The following FOXO3 variants were observed in gnomAD, a reference collection of about 807,000 sequenced individuals.
FOXO3 encodes forkhead box O3.
A neutral mutation model predicts 41.9 loss-of-function variants in FOXO3; 4 were observed. That is an observed-to-expected ratio of 0.10 (90% CI 0.05 to 0.22). FOXO3 has a LOEUF of 0.22. Among genes scored for constraint, FOXO3 ranks in the 10% least tolerant of loss-of-function variants. The pLI, the probability that FOXO3 is intolerant of heterozygous loss-of-function variation, is 1.00. For synonymous variants in FOXO3, 318 were observed against 389.3 expected (o/e 0.82, Z 2.16); for missense variants, 534 against 906.8 (o/e 0.59, Z 5.28).
intron 1 of FOXO3, among the ~76,000 whole-genome samples, chr6:108,655,645 AACT>A (rs1264005924): frequency 2.6e-5 from 4 of 152,222 alleles, no homozygotes; most frequent in African/African-American, 9.6e-5. Flanking sequence ...CGGGGTGAAG[AACT>A]ACTACTGAAG....
At position 108,663,856 on chromosome 6, in the gene FOXO3, G is replaced by A. The variant is rs370562790; in HGVS notation, c.1023G>A (p.Ala341=). The A allele has an allele frequency of 5.5e-5, 88 of 1,613,676 alleles. No individual in the cohort carries two copies. The Admixed American group carries it at 7.3e-4, about 13-fold the overall frequency. ...TGGATGAAGTCCAGGACGATGATGC[G>A]CCTCTCTCGCCCATGCTCTACAGCA... is the stretch of plus-strand genomic sequence containing the variant. The part of the protein sequence containing the change: ...TELDEVQDDD[A]PLSPMLYSSS... Residue 341 remains alanine (A), a synonymous_variant, in exon 2 of 3, where the codon GCG becomes GCA. Coordinates refer to ENST00000406360, the MANE Select transcript of FOXO3 (RefSeq NM_001455.4).
intron 1 of FOXO3, among the ~76,000 whole-genome samples, chr6:108,565,466 G>A (rs535917315): frequency 6.6e-6 from 1 of 152,298 alleles, no homozygotes; most frequent in East Asian, 1.9e-4. Flanking sequence ...GTCTTGGGGA[G>A]ACCTCTAAGG....
chr6:108,574,440 G>A (rs938184134), intron 1 of FOXO3, among the ~76,000 whole-genome samples: 10 of 152,124 alleles, frequency 6.6e-5, no homozygotes, highest in Admixed American at 6.5e-4. Context: ...CTTCAAGCAC[G>A]TAGATGAATG....
In FOXO3 at chr6:108,565,638, T is replaced by G. The variant is rs1318780348; in HGVS notation, c.621+3809T>G. Among the ~76,000 whole-genome samples the G allele has an allele frequency of 5.3e-5, 8 of 152,262 alleles. 1 individual carries two copies. The East Asian group carries it at 9.6e-4, about 18-fold the overall frequency. On this transcript the variant is annotated intron_variant, in intron 1 of 2. Coordinates refer to ENST00000406360, the MANE Select transcript of FOXO3 (RefSeq NM_001455.4). ...GTGTGGGGGATACTGTGTTAAGATT[T>G]CTGCTGCTGCTGCTGCTGCAGAAGA...
intron 1 of FOXO3, among the ~76,000 whole-genome samples, chr6:108,562,722 A>C (rs1171816777): frequency 6.6e-6 from 1 of 152,138 alleles, no homozygotes; most frequent in Non-Finnish European, 1.5e-5. Context: ...GAGACTCTCT[A>C]CCGTTCCTTA....
intron 2 of FOXO3, among the ~76,000 whole-genome samples, chr6:108,676,317 T>C (rs1213187390): frequency 6.6e-6 from 1 of 152,240 alleles, no homozygotes; most frequent in Non-Finnish European, 1.5e-5. Context: ...GTAGCTTCAT[T>C]TTCTTTTCAA....
intron 2 of FOXO3, among the ~76,000 whole-genome samples, chr6:108,672,687 G>A (rs1582838958): frequency 6.6e-6 from 1 of 152,066 alleles, no homozygotes; most frequent in Admixed American, 6.6e-5. Context: ...TTTGATTGAA[G>A]GTTTGGATGT....
At chr6:108,610,434 C>A (rs1194214399) in intron 1 of FOXO3, among the ~76,000 whole-genome samples, 1 of 152,166 alleles carries the variant, frequency 6.6e-6, no homozygotes, top group South Asian at 2.1e-4. Context: ...AAGTGAAAGT[C>A]ATGGGACTGG....
At chr6:108,603,175 G>T (rs1022758041) in intron 1 of FOXO3, among the ~76,000 whole-genome samples, 1 of 151,820 alleles carries the variant, frequency 6.6e-6, no homozygotes, top group South Asian at 2.1e-4. Context: ...GCAAAAAATG[G>T]TTGTACTGTT....
At chr6:108,651,939 T>C (rs1778557888) in intron 1 of FOXO3, among the ~76,000 whole-genome samples, 1 of 152,242 alleles carries the variant, frequency 6.6e-6, no homozygotes, top group African/African-American at 2.4e-5. Context: ...GGCTCAATAA[T>C]AAACTAATTA....
chr6:108,680,937 A>T lies in FOXO3; in HGVS notation c.*1145A>T, dbSNP rs999180294. On this transcript the variant is annotated 3_prime_UTR_variant, in exon 3 of 3. Coordinates refer to ENST00000406360, the MANE Select transcript of FOXO3 (RefSeq NM_001455.4). ...ATTTTCAGCCTTGCTATATAATCTG[A>T]TCTGCTAGAAGTGTATGAGTGAGAG... The T allele has an allele frequency of 6.6e-6, 1 of 152,650 alleles. No homozygotes were observed. The highest frequency in any genetic ancestry group is 2.4e-5 in the African/African-American group (1 of 41,456). The allele number at this position is 152,650 out of a possible 1,614,324, so 9.5% of individuals were successfully genotyped here. A position where few individuals can be genotyped will look rare whatever the true frequency, so the allele number is the denominator to read the frequency against.
At chr6:108,658,185 C>T (rs565325279) in intron 1 of FOXO3, among the ~76,000 whole-genome samples, 2 of 152,008 alleles carry the variant, frequency 1.3e-5, no homozygotes, top group African/African-American at 2.4e-5. Context: ...GGTAACTGGG[C>T]GTTTGAACTG....
At chr6:108,654,425 A>T (rs965920752) in intron 1 of FOXO3, among the ~76,000 whole-genome samples, 1 of 152,138 alleles carries the variant, frequency 6.6e-6, no homozygotes, top group African/African-American at 2.4e-5. Flanking sequence ...CCTATCTAGG[A>T]TTTCTTTTTC....
At chr6:108,611,508 T>C (rs1053409213) in intron 1 of FOXO3, among the ~76,000 whole-genome samples, 5 of 152,238 alleles carry the variant, frequency 3.3e-5, no homozygotes, top group African/African-American at 9.6e-5. Context: ...TCTAGTTGTT[T>C]CACCTCCTCT....
In FOXO3 at chr6:108,666,391, A is replaced by G. The variant is rs933144331; in HGVS notation, c.*34+1502A>G. Among the ~76,000 whole-genome samples the G allele has an allele frequency of 3.9e-4, 59 of 151,462 alleles. 1 individual carries two copies. In the East Asian group the frequency reaches 5.0e-3, roughly 13 times the overall value. ...TGCTCTGTCTCCCAGGCTGGAGTAC[A>G]GTGGCGCGATCTCGGCTCACTGCAA... On this transcript the variant is annotated intron_variant, in intron 2 of 2. Coordinates refer to ENST00000406360, the MANE Select transcript of FOXO3 (RefSeq NM_001455.4).
upstream of FOXO3, chr6:108,560,802 C>A (rs1775755527): frequency 2.7e-6 from 1 of 369,550 alleles, no homozygotes; most frequent in Non-Finnish European, 4.4e-6. Context: ...TCCCCCTTCT[C>A]CCCGCCCCGC....
At chr6:108,596,255 ATG>A (rs1227160143) in intron 1 of FOXO3, among the ~76,000 whole-genome samples, 14 of 151,950 alleles carry the variant, frequency 9.2e-5, no homozygotes, top group Admixed American at 9.2e-4. Flanking sequence ...GTTTGAGGAA[ATG>A]TGTGTTGCCT....
At position 108,684,030 on chromosome 6, in the gene FOXO3, G is replaced by A. The variant is rs546421485; in HGVS notation, c.*4238G>A. On this transcript the variant is annotated 3_prime_UTR_variant, in exon 3 of 3. Coordinates refer to ENST00000406360, the MANE Select transcript of FOXO3 (RefSeq NM_001455.4). ...AACATTTTATGCAGTTTAAATGAATGGAATATTTTCCTCTTGTTTAGTTGT... is the reference window on the plus strand; with the variant it reads ...AACATTTTATGCAGTTTAAATGAATAGAATATTTTCCTCTTGTTTAGTTGT... 1 of 152,644 alleles carries A rather than the reference G, an allele frequency of 6.6e-6. No homozygotes were observed. Among genetic ancestry groups the A allele is most frequent in the Admixed American group, 6.5e-5 (1 of 15,300 alleles). 9.5% of individuals were successfully genotyped at this position (152,644 alleles called of 1,614,324 possible).
Position 108,664,768 on chromosome 6 carries a change from C to A in FOXO3, c.1935C>A (p.Leu645=), listed in dbSNP as rs1168662355. Residue 645 remains leucine, a synonymous_variant, in exon 2 of 3, where the codon CTC becomes CTA. Coordinates refer to ENST00000406360, the MANE Select transcript of FOXO3 (RefSeq NM_001455.4). The stretch of plus-strand genomic sequence containing the variant: ...GGTTGGATTTTAACTTTGATTCCCT[C>A]ATCTCCACACAGAATGTTGTTGGTT... ...ADGLDFNFDS[L]ISTQNVVGLN... is the part of the protein sequence containing the mutation. The A allele has an allele frequency of 3.5e-6, 5 of 1,440,116 alleles. No individual in the cohort carries two copies. The highest frequency in any genetic ancestry group is 4.8e-6 in the Non-Finnish European group (5 of 1,042,624). The allele number at this position is 1,440,116 out of a possible 1,614,324, so 89.2% of individuals were successfully genotyped here.
Sources: gnomAD v4.1 joint callset for allele counts (sites outside exome capture counted in the v4.1 genomes callset) on GRCh38, gnomAD v4.1.1 for gene constraint, MANE v1.5 for transcripts, NCBI Gene and HGNC (gene_info 2026-07-23, HGNC 2026-07-21) for gene names.